ADAMTSL2: variants seen among roughly 807,000 people sequenced by gnomAD.
ADAMTSL2 encodes ADAMTS-like protein 2.
A neutral mutation model predicts 117.0 loss-of-function variants in ADAMTSL2; 55 were observed. That is an observed-to-expected ratio of 0.47 (90% CI 0.38 to 0.59). The LOEUF (loss-of-function observed/expected upper bound fraction) is 0.59. Among genes scored for constraint, ADAMTSL2 ranks in the 20% least tolerant of loss-of-function variants. The probability of loss-of-function intolerance (pLI) is 0.00; values close to 1 mark genes in which losing one functional copy is unlikely to be tolerated. For missense variants in ADAMTSL2, 1,182 were observed against 1,354.5 expected, an observed-to-expected ratio of 0.87 and a Z score of 2.00; for synonymous variants, 572 against 566.4, an observed-to-expected ratio of 1.01 and a Z score of -0.14.
chr9:133,568,893 A>G, intron 15 of ADAMTSL2, 135 bp downstream of exon 15: 8 of 1,190,712 alleles, frequency 6.7e-6, no homozygotes, highest in East Asian at 2.5e-5. Context: ...GCCTTCTCCC[A>G]TGTTATTATA....
At chr9:133,537,285 C>G in intron 2 of ADAMTSL2, 120 bp from the exon 3 acceptor site, 1 of 1,149,876 alleles carries the variant, frequency 8.7e-7, no homozygotes, top group Non-Finnish European at 1.1e-6. Context: ...CAAGGGGGCC[C>G]AGCCAGGGGG....
At chr9:133,534,601 C>G, upstream of ADAMTSL2, 1 of 1,254,640 alleles carries the variant, frequency 8.0e-7, no homozygotes, top group South Asian at 2.7e-5. Flanking sequence ...AAAGTGTGCG[C>G]CAGGCCGGCC....
intron 18 of ADAMTSL2, among the ~76,000 whole-genome samples, chr9:133,574,291 G>C (rs1414395282): frequency 4.6e-5 from 7 of 152,206 alleles, no homozygotes; most frequent in Non-Finnish European, 7.4e-5. Context: ...GTGGGGCCAA[G>C]ACCTGAATCC....
At chr9:133,571,360 AG>A (rs1453696628) in intron 17 of ADAMTSL2, among the ~76,000 whole-genome samples, 1 of 152,156 alleles carries the variant, frequency 6.6e-6, no homozygotes, top group Non-Finnish European at 1.5e-5. Context: ...CTGCAAGGGA[AG>A]GGGGGCCTGA....
At position 133,555,776 on chromosome 9, in the gene ADAMTSL2, T is replaced by C; in HGVS notation, c.1495T>C (p.Tyr499His). 6.2e-7 allele frequency: 1 copy of C among 1,613,996 alleles called. No homozygotes were observed. Among genetic ancestry groups the C allele is most frequent in the Non-Finnish European group, 8.5e-7 (1 of 1,180,028 alleles). Residue 499 changes from tyrosine to histidine, a missense_variant, in exon 11 of 19, where the codon TAT becomes CAT. Tyr to His is a moderately conservative substitution (Grantham distance 83). Transcript: ENST00000651351. ...SSLAESFFVD[Y>H]EENEGAGPYL... is the part of the protein sequence containing the mutation. ...CCTGGCCGAGAGCTTCTTCGTGGAT[T>C]ATGAGGAGAACGAGGGGGCTGGCCC...
Position 133,544,501 on chromosome 9 carries a change from T to C in ADAMTSL2, c.714T>C (p.Gly238=), listed in dbSNP as rs758033596. 1 of 1,614,176 alleles carries C rather than the reference T, an allele frequency of 6.2e-7. No homozygotes were observed. Among genetic ancestry groups the C allele is most frequent in the African/African-American group, 1.3e-5 (1 of 75,064 alleles). ...GYSLVTHIPA[G]ARDIQIVERK... Reference sequence around the variant, plus strand: ...CTCTGGTGACCCACATCCCGGCTGGTGCCCGAGACATCCAGATTGTAGAGA... The same window carrying C: ...CTCTGGTGACCCACATCCCGGCTGGCGCCCGAGACATCCAGATTGTAGAGA... Residue 238 remains glycine (G), a synonymous_variant, in exon 8 of 19, where the codon GGT becomes GGC. Coordinates refer to ENST00000651351, the MANE Select transcript of ADAMTSL2 (RefSeq NM_014694.4).
Position 133,570,400 on chromosome 9 carries a change from C to T in ADAMTSL2, c.2485C>T (p.Pro829Ser), listed in dbSNP as rs1831076907. The T allele has an allele frequency of 5.7e-6, 9 of 1,580,972 alleles. No individual in the cohort carries two copies. In the Admixed American group the frequency reaches 1.6e-4, roughly 28 times the overall value. Reference sequence around the variant, plus strand: ...CTGCATGGAGCTGGCCAACGGGAAGCCGCAGACGCGCAGTGGCCCCGAGTG... The same window carrying T: ...CTGCATGGAGCTGGCCAACGGGAAGTCGCAGACGCGCAGTGGCCCCGAGTG... ...VLCMELANGK[P>S]QTRSGPECGL... The change falls in exon 17 of 19, where the codon CCG becomes TCG. Residue 829 changes from proline (P) to serine (S), a missense_variant. Physicochemically the swap from Pro to Ser is moderately conservative, Grantham distance 74 (BLOSUM62 -1). Around this residue, in one of 3 missense-constraint regions of ADAMTSL2, gnomAD observed 465 missense variants for 565.3 expected, o/e 0.82. Transcript: ENST00000651351.
intron 8 of ADAMTSL2, 71 bp from the exon 9 acceptor site, chr9:133,546,967 C>T: frequency 6.6e-7 from 1 of 1,515,996 alleles, no homozygotes; most frequent in Non-Finnish European, 9.2e-7. Context: ...GTGGTGGTTC[C>T]CTGAGTTGGT....
chr9:133,562,574 C>T lies in ADAMTSL2; in HGVS notation c.1747+1279C>T. On this transcript the variant is annotated intron_variant, in intron 12 of 18. Transcript: ENST00000651351. ...CGCCGTGGGCGGCGTGGCGGGCACC[C>T]TGCTGGGCCCGGCTCGCACCGCCGT... Among the ~76,000 whole-genome samples, 2 of 91,368 alleles carry T rather than the reference C, an allele frequency of 2.2e-5. 1 individual carries two copies. Among genetic ancestry groups the T allele is most frequent in the Non-Finnish European group, 4.6e-5 (2 of 43,352 alleles). 59.9% of individuals were successfully genotyped at this position (91,368 alleles called of 152,430 possible). A position where few individuals can be genotyped will look rare whatever the true frequency, so the allele number is the denominator to read the frequency against.
intron 13 of ADAMTSL2, 72 bp from the exon 14 acceptor site, chr9:133,568,201 T>C (rs1443927930): frequency 4.1e-6 from 6 of 1,471,434 alleles, no homozygotes; most frequent in Non-Finnish European, 4.6e-6. Context: ...GCGTTGTCTC[T>C]GGGGGTGTGG....
Position 133,541,016 on chromosome 9 carries a change from G to A in ADAMTSL2, c.682+15G>A, listed in dbSNP as rs143677763. ...TGCCCACCTTGGTAAGCCACAGCGC[G>A]CCCTGGAGTCCAAGCACAGCAGAGT... On this transcript the variant is annotated intron_variant, in intron 7 of 18. Transcript: ENST00000651351. 101 of 1,610,778 alleles carry A rather than the reference G, an allele frequency of 6.3e-5. No individual in the cohort carries two copies. Among genetic ancestry groups the A allele is most frequent in the Admixed American group, 5.9e-4 (35 of 59,720 alleles).
rs931980391 is a variant in ADAMTSL2, at chr9:133,554,518, C to T, written c.1101C>T (p.Asn367=). 21 of 1,549,812 alleles carry T rather than the reference C, an allele frequency of 1.4e-5. No individual in the cohort carries two copies. Among genetic ancestry groups the T allele is most frequent in the Admixed American group, 9.8e-5 (5 of 51,116 alleles). The change falls in exon 10 of 19, where the codon AAC becomes AAT. Residue 367 remains asparagine (N), a synonymous_variant. Coordinates refer to ENST00000651351, the MANE Select transcript of ADAMTSL2 (RefSeq NM_014694.4). The surrounding 1 kb of genome is among the most constrained non-coding windows in gnomAD (Gnocchi z 5.2). ...GGCTGATGGGCTTCGTCCCGCACAA[C>T]GGCTCCCTCTACGGCCAGGCCTCCT... ...GAGLMGFVPH[N]GSLYGQASSE...
chr9:133,541,287 T>C (rs1212294648), intron 7 of ADAMTSL2, among the ~76,000 whole-genome samples: 1 of 148,016 alleles, frequency 6.8e-6, no homozygotes, highest in African/African-American at 2.5e-5. Context: ...GTGTTAACAA[T>C]GCACCTTTTT....
chr9:133,553,379 G>A (rs1830530700), intron 9 of ADAMTSL2, among the ~76,000 whole-genome samples: 1 of 152,146 alleles, frequency 6.6e-6, no homozygotes, highest in South Asian at 2.1e-4. Flanking sequence ...CAGGACACGA[G>A]GGTGTCTTTC....
chr9:133,542,155 G>T (rs148638016), intron 7 of ADAMTSL2, among the ~76,000 whole-genome samples: 1 of 152,222 alleles, frequency 6.6e-6, no homozygotes, highest in African/African-American at 2.4e-5. Flanking sequence ...TAACTGTGGC[G>T]TGAGTGTTGG....
chr9:133,568,334 G>T lies in ADAMTSL2; in HGVS notation c.1936G>T (p.Val646Phe). The T allele has an allele frequency of 6.3e-7, 1 of 1,586,554 alleles. No individual in the cohort carries two copies. The change falls in exon 14 of 19, where the codon GTC becomes TTC. Residue 646 changes from valine to phenylalanine, a missense_variant. Physicochemically the swap from Val to Phe is conservative, Grantham distance 50. Coordinates refer to ENST00000651351, the MANE Select transcript of ADAMTSL2 (RefSeq NM_014694.4). ...RTCGEGYQFRVVRCWKMLSPG... is the reference protein window; with the variant it reads ...RTCGEGYQFRFVRCWKMLSPG... Reference sequence around the variant, plus strand: ...CTGCGGAGAGGGCTACCAGTTCCGCGTCGTGCGCTGCTGGAAGATGCTCTC... The same window carrying T: ...CTGCGGAGAGGGCTACCAGTTCCGCTTCGTGCGCTGCTGGAAGATGCTCTC...
rs929956670 is a variant in ADAMTSL2 at position 133,534,887 on chromosome 9, C to T, written c.-181C>T. The T allele has an allele frequency of 1.4e-6, 2 of 1,447,878 alleles. No homozygotes were observed. Among genetic ancestry groups the T allele is most frequent in the African/African-American group, 1.5e-5 (1 of 67,822 alleles). 89.7% of individuals were successfully genotyped at this position (1,447,878 alleles called of 1,614,324 possible). ...CCCTCCGCAGCGCTCGCCCCTTTCT[C>T]TGGGAGGACAACCTGCTGACCCGAA... On this transcript the variant is annotated 5_prime_UTR_variant, in exon 1 of 19. Coordinates refer to ENST00000651351, the MANE Select transcript of ADAMTSL2 (RefSeq NM_014694.4).
At chr9:133,565,465 C>T (rs931706190) in intron 12 of ADAMTSL2, among the ~76,000 whole-genome samples, 4 of 152,206 alleles carry the variant, frequency 2.6e-5, no homozygotes, top group African/African-American at 9.6e-5. Context: ...CCGCACCTCC[C>T]TGGGCCCCAG....
chr9:133,539,786 G>C lies in ADAMTSL2; in HGVS notation c.325G>C (p.Gly109Arg). The change falls in exon 5 of 19, where the codon GGG (glycine) becomes CGG (arginine). Residue 109 changes from glycine to arginine, a missense_variant. Around this residue, in one of 3 missense-constraint regions of ADAMTSL2, gnomAD observed 372 missense variants for 463.4 expected, o/e 0.80. Transcript: ENST00000651351. Reference protein sequence around the residue: ...LCRVQECPPDGRSFREEQCVS... With the variant: ...LCRVQECPPDRRSFREEQCVS... ...CGCTTCCCAGGAGTGTCCGCCGGAC[G>C]GGAGGAGCTTCCGCGAGGAGCAGTG... is the stretch of plus-strand genomic sequence containing the variant. The C allele has an allele frequency of 3.3e-6, 5 of 1,510,056 alleles. No homozygotes were observed. Among genetic ancestry groups the C allele is most frequent in the Non-Finnish European group, 4.4e-6 (5 of 1,128,390 alleles). 93.5% of individuals were successfully genotyped at this position (1,510,056 alleles called of 1,614,324 possible).
Sources: allele counts gnomAD v4.1 joint callset (sites outside exome capture counted in the v4.1 genomes callset), GRCh38; gene constraint gnomAD v4.1.1; regional missense constraint gnomAD v4.1.1; non-coding constraint Gnocchi (gnomAD v3.1); transcripts MANE v1.5; gene names NCBI Gene and HGNC (gene_info 2026-07-23, HGNC 2026-07-21).